Variants in TMC1 observed in about 807,000 individuals in gnomAD.
TMC1 encodes transmembrane channel-like protein 1.
In TMC1, 84 loss-of-function variants were observed where a neutral mutation model predicts 105.8. That is an observed-to-expected ratio of 0.79 (90% CI 0.67 to 0.95). TMC1 has a LOEUF of 0.95. Ranked by LOEUF, TMC1 falls within the 40% of genes least tolerant of loss-of-function variation. TMC1 has a pLI of 0.00. For synonymous variants in TMC1, 315 were observed against 311.5 expected (o/e 1.01, Z -0.12); for missense variants, 817 against 914.1 (o/e 0.89, Z 1.37).
intron 15 of TMC1, among the ~76,000 whole-genome samples, chr9:72,789,618 T>A (rs770077646): frequency 6.6e-5 from 10 of 152,252 alleles, no homozygotes; most frequent in Admixed American, 6.5e-4. Context: ...GATTGCATTA[T>A]ATGTTTATGG....
intron 18 of TMC1, among the ~76,000 whole-genome samples, chr9:72,813,484 A>G (rs1828736568): frequency 6.6e-6 from 1 of 152,218 alleles, no homozygotes; most frequent in Admixed American, 6.5e-5. Context: ...ACGTATTTTT[A>G]GACTAGAAAG....
intron 2 of TMC1, among the ~76,000 whole-genome samples, chr9:72,608,863 A>G (rs1214679871): frequency 2.6e-5 from 4 of 152,154 alleles, no homozygotes; most frequent in East Asian, 1.9e-4. Context: ...TAGGGAGACT[A>G]TAAAGTCCCT....
At chr9:72,601,217 CACAA>C (rs1824810198) in intron 2 of TMC1, among the ~76,000 whole-genome samples, 2 of 150,768 alleles carry the variant, frequency 1.3e-5, no homozygotes, top group African/African-American at 4.9e-5. Context: ...CACACACACA[CACAA>C]ATTGCCAGGC....
chr9:72,742,389 C>T (rs565049075), intron 9 of TMC1, 55 bp from the exon 10 acceptor site: 3 of 1,407,404 alleles, frequency 2.1e-6, no homozygotes, highest in East Asian at 4.6e-5. Flanking sequence ...GGGGGATAAA[C>T]ATCTTGACAA....
chr9:72,634,212 A>G (rs1339201107), intron 4 of TMC1, among the ~76,000 whole-genome samples: 2 of 152,142 alleles, frequency 1.3e-5, no homozygotes, highest in South Asian at 2.1e-4. Context: ...ATTTCTTGGC[A>G]TGAGTCACAG....
At chr9:72,606,978 T>TGC (rs33964265) in intron 2 of TMC1, among the ~76,000 whole-genome samples, 35,938 of 131,426 alleles carry the variant, frequency 0.27, 5,510 homozygotes, top group African/African-American at 0.41. Context: ...TATGTGTGTG[T>TGC]GTGCATATAT....
At chr9:72,600,415 G>A (rs1824788249) in intron 2 of TMC1, among the ~76,000 whole-genome samples, 1 of 152,160 alleles carries the variant, frequency 6.6e-6, no homozygotes, top group Admixed American at 6.5e-5. Context: ...CTGTGTTCAA[G>A]TGTAGAGTCT....
chr9:72,678,040 G>T (rs1402271609), intron 5 of TMC1, among the ~76,000 whole-genome samples: 1 of 152,096 alleles, frequency 6.6e-6, no homozygotes, highest in African/African-American at 2.4e-5. Flanking sequence ...ATGAAATGAG[G>T]TGCTTGCATT....
At chr9:72,816,742 C>T (rs368919970) in intron 19 of TMC1, among the ~76,000 whole-genome samples, 78 of 152,188 alleles carry the variant, frequency 5.1e-4, no homozygotes, top group Non-Finnish European at 8.5e-4. Context: ...TTTATAGGGC[C>T]ATGGCACATC....
At chr9:72,744,494 G>A (rs1485217979) in intron 10 of TMC1, among the ~76,000 whole-genome samples, 1 of 152,184 alleles carries the variant, frequency 6.6e-6, no homozygotes, top group Admixed American at 6.5e-5. Context: ...AATGTGGTAG[G>A]TTGAGAGGCA....
At chr9:72,620,034 C>T (rs1009386959) in intron 3 of TMC1, among the ~76,000 whole-genome samples, 1 of 151,760 alleles carries the variant, frequency 6.6e-6, no homozygotes, top group African/African-American at 2.4e-5. Flanking sequence ...GGGGTTTCAC[C>T]ACGTTGGCCA....
At chr9:72,762,069 A>G (rs1199332394) in intron 12 of TMC1, among the ~76,000 whole-genome samples, 1 of 152,152 alleles carries the variant, frequency 6.6e-6, no homozygotes, top group Non-Finnish European at 1.5e-5. Flanking sequence ...GAGCTTTTAG[A>G]TGGTAATGCA....
At chr9:72,781,250 A>T (rs1398659436) in intron 13 of TMC1, among the ~76,000 whole-genome samples, 3 of 152,222 alleles carry the variant, frequency 2.0e-5, no homozygotes, top group South Asian at 2.1e-4. Context: ...GGCAAAAATT[A>T]AGAAATTATT....
intron 18 of TMC1, among the ~76,000 whole-genome samples, chr9:72,814,427 A>G (rs1004487176): frequency 6.6e-6 from 1 of 152,194 alleles, no homozygotes; most frequent in Non-Finnish European, 1.5e-5. Flanking sequence ...TTCAGCACAA[A>G]AACTGTCAAC....
At chr9:72,780,623 A>T (rs1056746927) in intron 13 of TMC1, among the ~76,000 whole-genome samples, 7 of 152,214 alleles carry the variant, frequency 4.6e-5, no homozygotes, top group Non-Finnish European at 7.3e-5. Context: ...GAAATTGATA[A>T]AAATCTATCA....
At chr9:72,535,974 T>C (rs1422428055) in intron 1 of TMC1, among the ~76,000 whole-genome samples, 1 of 152,314 alleles carries the variant, frequency 6.6e-6, no homozygotes, top group Middle Eastern at 3.4e-3. Flanking sequence ...ACCTCCAACA[T>C]TGGGATAAAA....
chr9:72,627,978 C>T lies in TMC1; in HGVS notation c.-138C>T, dbSNP rs967544102. The T allele has an allele frequency of 6.6e-6, 3 of 455,050 alleles. No individual in the cohort carries two copies. The highest frequency in any genetic ancestry group is 1.3e-5 in the Non-Finnish European group (3 of 226,522). The allele number at this position is 455,050 out of a possible 1,614,324, so 28.2% of individuals were successfully genotyped here. On this transcript the variant is annotated 5_prime_UTR_variant, in exon 4 of 24. Coordinates refer to ENST00000297784, the MANE Select transcript of TMC1 (RefSeq NM_138691.3). ...TGTGCTTCACATCTGAAAATCTCTG[C>T]TGGGGGCAGCAACTTTGAGCCTGTG...
chr9:72,567,518 C>A (rs772069945), intron 1 of TMC1, among the ~76,000 whole-genome samples: 5 of 152,098 alleles, frequency 3.3e-5, no homozygotes, highest in Non-Finnish European at 5.9e-5. Context: ...AGGAAACTTA[C>A]AATTATGGCA....
chr9:72,806,447 G>A (rs1397249726), intron 18 of TMC1, among the ~76,000 whole-genome samples: 8 of 151,018 alleles, frequency 5.3e-5, no homozygotes, highest in Admixed American at 6.6e-5. Context: ...GGGCGGAGAC[G>A]CTCCTCAGTT....
Sources: gnomAD v4.1 joint callset for allele counts (sites outside exome capture counted in the v4.1 genomes callset) on GRCh38, gnomAD v4.1.1 for gene constraint, MANE v1.5 for transcripts, NCBI Gene and HGNC (gene_info 2026-07-23, HGNC 2026-07-21) for gene names.